SHISA9: variants seen among roughly 807,000 people sequenced by gnomAD.
The protein encoded by SHISA9 is shisa family member 9.
Under a neutral mutation model 38.0 loss-of-function variants are expected in SHISA9, and 13 were observed. The observed-to-expected ratio is 0.34, with a 90% CI of 0.22 to 0.54. The LOEUF (loss-of-function observed/expected upper bound fraction) is 0.54. SHISA9 is among the 20% of genes least tolerant of loss of function. The pLI, the probability that SHISA9 is intolerant of heterozygous loss-of-function variation, is 0.91. For missense variants in SHISA9, 538 were observed against 575.8 expected (o/e 0.93, Z 0.67); for synonymous variants, 275 against 242.0 (o/e 1.14, Z -1.27).
intron 2 of SHISA9, among the ~76,000 whole-genome samples, chr16:13,028,874 C>T (rs2141874896): frequency 6.6e-6 from 1 of 152,212 alleles, no homozygotes; most frequent in South Asian, 2.1e-4. Context: ...GTTCTGGAGC[C>T]AGCTGGGGGT....
intron 1 of SHISA9, chr16:12,910,210 G>C (rs2071163486): frequency 6.5e-6 from 1 of 152,942 alleles, no homozygotes; most frequent in South Asian, 2.1e-4. Flanking sequence ...CTTCTACTCA[G>C]TAGTTGGATT....
At chr16:13,105,347 A>G (rs754884237) in intron 2 of SHISA9, among the ~76,000 whole-genome samples, 3 of 152,160 alleles carry the variant, frequency 2.0e-5, no homozygotes, top group Admixed American at 6.5e-5. Context: ...ATTACTGTCT[A>G]CTGCATGCTG....
intron 2 of SHISA9, among the ~76,000 whole-genome samples, chr16:13,053,818 AG>A (rs1387022347): frequency 6.6e-6 from 1 of 152,204 alleles, no homozygotes; most frequent in African/African-American, 2.4e-5. Context: ...AAAATAAAAT[AG>A]TTTTTCTGTA....
chr16:13,486,487 T>G, the SHISA9 span, among the ~76,000 whole-genome samples: 4 of 152,204 alleles, frequency 2.6e-5, no homozygotes, highest in Non-Finnish European at 5.9e-5. Flanking sequence ...ATCTATCAAC[T>G]TGGTTTAACT....
At chr16:13,069,881 G>C (rs542444794) in intron 2 of SHISA9, among the ~76,000 whole-genome samples, 67 of 152,148 alleles carry the variant, frequency 4.4e-4, no homozygotes, top group African/African-American at 1.6e-3. Context: ...TGAGAAGAGA[G>C]GTGTCTATGA....
the SHISA9 span, among the ~76,000 whole-genome samples, chr16:13,345,614 C>A: frequency 6.6e-6 from 1 of 151,994 alleles, no homozygotes; most frequent in African/African-American, 2.4e-5. Flanking sequence ...TTCTATTATA[C>A]CCAGTAATGG....
chr16:13,401,064 C>A, the SHISA9 span, among the ~76,000 whole-genome samples: 1 of 152,196 alleles, frequency 6.6e-6, no homozygotes, highest in Non-Finnish European at 1.5e-5. Flanking sequence ...CCCACAGACT[C>A]TGATCCCACC....
intron 2 of SHISA9, among the ~76,000 whole-genome samples, chr16:12,965,764 C>G (rs748840613): frequency 6.6e-6 from 1 of 152,154 alleles, no homozygotes; most frequent in Non-Finnish European, 1.5e-5. Context: ...GGGTTTTATC[C>G]TCATGAATAT....
At chr16:13,118,339 C>T (rs1413818966) in intron 2 of SHISA9, among the ~76,000 whole-genome samples, 2 of 152,090 alleles carry the variant, frequency 1.3e-5, no homozygotes, top group African/African-American at 4.8e-5. Flanking sequence ...GGAATACTTC[C>T]TGGAGCTTTT....
chr16:13,011,176 CTTTCT>C (rs1181350733), intron 2 of SHISA9, among the ~76,000 whole-genome samples: 1 of 151,990 alleles, frequency 6.6e-6, no homozygotes, highest in African/African-American at 2.4e-5. Context: ...GACAGTGAAC[CTTTCT>C]TTTATTTTAT....
At chr16:13,017,908 GA>G (rs1461374624) in intron 2 of SHISA9, among the ~76,000 whole-genome samples, 3 of 152,152 alleles carry the variant, frequency 2.0e-5, no homozygotes, top group Non-Finnish European at 2.9e-5. Context: ...CTTGTTCAAT[GA>G]AAAAATTAGC....
intron 2 of SHISA9, among the ~76,000 whole-genome samples, chr16:13,195,952 G>A (rs1296018989): frequency 6.6e-6 from 1 of 151,838 alleles, no homozygotes; most frequent in African/African-American, 2.4e-5. Context: ...GCCAGGTGTG[G>A]TGGTGTGTGC....
chr16:13,145,686 A>G (rs2050441452), intron 2 of SHISA9, among the ~76,000 whole-genome samples: 1 of 152,226 alleles, frequency 6.6e-6, no homozygotes, highest in Non-Finnish European at 1.5e-5. Context: ...TGTATAGTGC[A>G]TGTGGAAAGT....
intron 2 of SHISA9, among the ~76,000 whole-genome samples, chr16:13,041,870 A>T (rs1476161984): frequency 6.6e-6 from 1 of 152,184 alleles, no homozygotes; most frequent in Non-Finnish European, 1.5e-5. Flanking sequence ...GGGGATTCTG[A>T]TGTAGCTCCA....
At chr16:13,018,835 G>T (rs1312937823) in intron 2 of SHISA9, among the ~76,000 whole-genome samples, 2 of 152,182 alleles carry the variant, frequency 1.3e-5, no homozygotes, top group East Asian at 3.9e-4. Context: ...TAATCTGTGT[G>T]TGCCAGAGCC....
chr16:13,073,222 CTTT>C (rs1245456928), intron 2 of SHISA9, among the ~76,000 whole-genome samples: 4 of 137,844 alleles, frequency 2.9e-5, no homozygotes, highest in African/African-American at 8.7e-5. Context: ...CTCTCTCTCT[CTTT>C]TTTTTTTTTT....
chr16:13,247,782 G>A, the SHISA9 span, among the ~76,000 whole-genome samples: 2 of 152,102 alleles, frequency 1.3e-5, no homozygotes, highest in Non-Finnish European at 2.9e-5. Flanking sequence ...CTTTTTGCAA[G>A]TTCAGAGGTT....
At chr16:13,019,939 CTTT>C (rs1567184213) in intron 2 of SHISA9, among the ~76,000 whole-genome samples, 82 of 90,614 alleles carry the variant, frequency 9.0e-4, no homozygotes, top group Middle Eastern at 6.5e-3. Flanking sequence ...TTCTTTCTTT[CTTT>C]CTTTCTTTCT....
chr16:13,289,137 C>T, the SHISA9 span, among the ~76,000 whole-genome samples: 82 of 152,178 alleles, frequency 5.4e-4, no homozygotes, highest in African/African-American at 1.7e-3. Flanking sequence ...TTGGAATGTC[C>T]GCAAAGGAAT....
Sources: allele counts gnomAD v4.1 joint callset (sites outside exome capture counted in the v4.1 genomes callset), GRCh38; gene constraint gnomAD v4.1.1; transcripts MANE v1.5; gene names NCBI Gene and HGNC (gene_info 2026-07-23, HGNC 2026-07-21).